MINAR1: variants seen among roughly 807,000 people sequenced by gnomAD.
The protein encoded by MINAR1 is major intrinsically disordered Notch2-binding receptor 1.
In MINAR1, 40 loss-of-function variants were observed where a neutral mutation model predicts 65.1. That is an observed-to-expected ratio of 0.61 (90% CI 0.48 to 0.80). The LOEUF is 0.80. Ranked by LOEUF, MINAR1 falls within the 30% of genes least tolerant of loss-of-function variation. The probability of loss-of-function intolerance (pLI) is 0.00; values close to 1 mark genes in which losing one functional copy is unlikely to be tolerated. For synonymous variants in MINAR1, 482 were observed against 449.1 expected (o/e 1.07, Z -0.93); for missense variants, 1,128 against 1,148.0 (o/e 0.98, Z 0.25).
the MINAR1 span, chr15:79,413,587 G>A: frequency 1.3e-5 from 2 of 152,274 alleles, no homozygotes; most frequent in Admixed American, 6.5e-5. Flanking sequence ...TCCCAATTTA[G>A]TAGTGCTGAA....
intron 2 of MINAR1, among the ~76,000 whole-genome samples, chr15:79,460,606 C>T (rs1218459543): frequency 1.3e-5 from 2 of 152,134 alleles, no homozygotes; most frequent in African/African-American, 4.8e-5. Flanking sequence ...TCCTTGGGCA[C>T]ATTCTCACCT....
the MINAR1 span, chr15:79,413,441 C>A: frequency 6.6e-6 from 1 of 152,204 alleles, no homozygotes; most frequent in Non-Finnish European, 1.5e-5. Flanking sequence ...ATGGAAACAA[C>A]AAGAAGCTTT....
In MINAR1 at chr15:79,468,428, G is replaced by A. The variant is rs181452686; in HGVS notation, c.*44G>A. On this transcript the variant is annotated 3_prime_UTR_variant, in exon 4 of 4. Transcript: ENST00000305428. ...CGTACAGCTTATGACTACCAATGTC[G>A]TCGTCTGTATCTTAGAATCTTGCAG... 89 of 1,551,248 alleles carry A rather than the reference G, an allele frequency of 5.7e-5. 1 individual carries two copies. The highest frequency in any genetic ancestry group is 1.2e-4 in the Admixed American group (7 of 56,922).
chr15:79,422,009 C>T, the MINAR1 span: 1 of 152,330 alleles, frequency 6.6e-6, no homozygotes, highest in Non-Finnish European at 1.5e-5. Context: ...AGGAGAGAGA[C>T]TGCACTATGA....
At chr15:79,433,963 A>G (rs1339155171) in intron 1 of MINAR1, among the ~76,000 whole-genome samples, 1 of 152,174 alleles carries the variant, frequency 6.6e-6, no homozygotes. Flanking sequence ...TGTGTATCAG[A>G]GGAGGGTAGA....
chr15:79,422,366 C>G, the MINAR1 span: 3 of 152,014 alleles, frequency 2.0e-5, no homozygotes, highest in Non-Finnish European at 1.5e-5. Flanking sequence ...ACCTGGCCAA[C>G]GTGGTGAAAC....
At chr15:79,413,161 G>A in the MINAR1 span, 2 of 152,206 alleles carry the variant, frequency 1.3e-5, no homozygotes, top group African/African-American at 4.8e-5. Context: ...AAAAACTAGA[G>A]TACCTTCTTT....
rs1183405882 is a variant in MINAR1, at chr15:79,471,818, A to G, written c.*3434A>G. The G allele has an allele frequency of 1.3e-5, 2 of 152,698 alleles. No individual in the cohort carries two copies. The highest frequency in any genetic ancestry group is 3.4e-3 in the Middle Eastern group (1 of 294). The allele number at this position is 152,698 out of a possible 1,614,324, so 9.5% of individuals were successfully genotyped here. On this transcript the variant is annotated 3_prime_UTR_variant, in exon 4 of 4. Coordinates refer to ENST00000305428, the MANE Select transcript of MINAR1 (RefSeq NM_015206.3). Reference sequence around the variant, plus strand: ...TGAATGTTGAAATTCAACATGCTTCATATTATAACCAACCTGCAAGAATAT... The same window carrying G: ...TGAATGTTGAAATTCAACATGCTTCGTATTATAACCAACCTGCAAGAATAT...
At chr15:79,455,955 T>A in intron 1 of MINAR1, 143 bp from the exon 2 acceptor site, 2 of 562,900 alleles carry the variant, frequency 3.6e-6, no homozygotes, top group Non-Finnish European at 3.1e-6. Flanking sequence ...TTATGAATAT[T>A]TTTACTGTCC....
At chr15:79,446,957 A>T (rs1895040059) in intron 1 of MINAR1, among the ~76,000 whole-genome samples, 1 of 152,022 alleles carries the variant, frequency 6.6e-6, no homozygotes, top group Non-Finnish European at 1.5e-5. Context: ...TGCAGTCTCA[A>T]CTCACTACAA....
chr15:79,453,031 A>C (rs1895287517), intron 1 of MINAR1, among the ~76,000 whole-genome samples: 1 of 148,538 alleles, frequency 6.7e-6, no homozygotes, highest in African/African-American at 2.4e-5. Context: ...CAGCCCCCAG[A>C]GATTCCAGGC....
upstream of MINAR1, among the ~76,000 whole-genome samples, chr15:79,429,541 GC>G: frequency 6.6e-6 from 1 of 152,370 alleles, no homozygotes; most frequent in Middle Eastern, 3.4e-3. Context: ...AAATGTGGAG[GC>G]TGGATAGTTT....
chr15:79,462,191 A>G (rs1895672027), intron 2 of MINAR1, among the ~76,000 whole-genome samples: 1 of 152,172 alleles, frequency 6.6e-6, no homozygotes, highest in African/African-American at 2.4e-5. Context: ...AAAGGTGAAC[A>G]AAATGATCCC....
chr15:79,425,728 G>T, the MINAR1 span: 1 of 152,252 alleles, frequency 6.6e-6, no homozygotes, highest in Non-Finnish European at 1.5e-5. Context: ...TGAGGAAACA[G>T]AAGTCCAGAG....
Position 79,468,213 on chromosome 15 carries a change from T to C in MINAR1, c.2580T>C (p.Asn860=). 1.9e-6 allele frequency: 3 copies of C among 1,613,954 alleles called. No individual in the cohort carries two copies. Among genetic ancestry groups the C allele is most frequent in the Non-Finnish European group, 2.5e-6 (3 of 1,179,872 alleles). ...CGCAAGAATCTTTAAACCCAAATAA[T>C]TTAGAGTACTGGATGGAAGACATTT... ...LQTQESLNPN[N]LEYWMEDIYT... is the part of the protein sequence containing the mutation. Residue 860 remains asparagine, a synonymous_variant, in exon 4 of 4, where the codon AAT becomes AAC. Coordinates refer to ENST00000305428, the MANE Select transcript of MINAR1 (RefSeq NM_015206.3).
intron 1 of MINAR1, among the ~76,000 whole-genome samples, chr15:79,453,841 A>G (rs919685534): frequency 2.6e-5 from 4 of 152,170 alleles, no homozygotes; most frequent in Non-Finnish European, 4.4e-5. Flanking sequence ...TTCCTTTGCC[A>G]TGCAAAGTAG....
rs1480842432 is a variant in MINAR1, at chr15:79,468,550, G to A, written c.*166G>A. 3.1e-6 allele frequency: 2 copies of A among 639,434 alleles called. No individual in the cohort carries two copies. Among genetic ancestry groups the A allele is most frequent in the Non-Finnish European group, 5.3e-6 (2 of 373,922 alleles). The allele number at this position is 639,434 out of a possible 1,614,324, so 39.6% of individuals were successfully genotyped here. A position where few individuals can be genotyped will look rare whatever the true frequency, so the allele number is the denominator to read the frequency against. ...GTTTTCAGAAAGTATACATTCTAGT[G>A]AGAAATCTACCTACCTATTAGCTTT... On this transcript the variant is annotated 3_prime_UTR_variant, in exon 4 of 4. Coordinates refer to ENST00000305428, the MANE Select transcript of MINAR1 (RefSeq NM_015206.3).
At chr15:79,453,925 A>G (rs1458711938) in intron 1 of MINAR1, among the ~76,000 whole-genome samples, 1 of 152,208 alleles carries the variant, frequency 6.6e-6, no homozygotes, top group East Asian at 1.9e-4. Flanking sequence ...TAGGACACAC[A>G]TGGGATTAGC....
At chr15:79,426,164 C>T in the MINAR1 span, 1 of 152,756 alleles carries the variant, frequency 6.5e-6, no homozygotes, top group African/African-American at 2.4e-5. Context: ...CATGCAGGAA[C>T]TGAAGGAAAC....
Sources: gnomAD v4.1 joint callset for allele counts (sites outside exome capture counted in the v4.1 genomes callset) on GRCh38, gnomAD v4.1.1 for gene constraint, MANE v1.5 for transcripts, NCBI Gene and HGNC (gene_info 2026-07-23, HGNC 2026-07-21) for gene names.